Variants in MGMT observed in about 807,000 individuals in gnomAD.
MGMT encodes methylated-DNA--protein-cysteine methyltransferase.
In MGMT, 14 loss-of-function variants were observed where a neutral mutation model predicts 15.9. That is an observed-to-expected ratio of 0.88 (90% CI 0.58 to 1.37). The LOEUF is 1.37. MGMT is among the 40% of genes most tolerant of loss of function. The probability of loss-of-function intolerance (pLI) is 0.00; values close to 1 mark genes in which losing one functional copy is unlikely to be tolerated. For missense variants in MGMT, 282 were observed against 268.1 expected, an observed-to-expected ratio of 1.05 and a Z score of -0.36; for synonymous variants, 130 against 118.2, an observed-to-expected ratio of 1.10 and a Z score of -0.65.
intron 3 of MGMT, among the ~76,000 whole-genome samples, chr10:129,738,486 C>T (rs1294061507): frequency 6.6e-6 from 1 of 152,230 alleles, no homozygotes; most frequent in Non-Finnish European, 1.5e-5. Flanking sequence ...TCCGGTACCT[C>T]AGATGGAAAT....
chr10:129,546,661 C>T (rs1164732824), intron 2 of MGMT, among the ~76,000 whole-genome samples: 2 of 152,076 alleles, frequency 1.3e-5, no homozygotes, highest in African/African-American at 4.8e-5. Context: ...AGGAGAGAGG[C>T]GGGTTTTGTG....
At position 129,599,973 on chromosome 10, in the gene MGMT, AGTAGGTAG is replaced by A. The variant is rs71035597; in HGVS notation, c.125+63621_125+63628del. Among the ~76,000 whole-genome samples, 283 of 151,468 alleles carry A rather than the reference AGTAGGTAG, an allele frequency of 1.9e-3. 1 individual carries two copies. Among genetic ancestry groups the A allele is most frequent in the African/African-American group, 6.1e-3 (252 of 41,392 alleles). On this transcript the variant is annotated intron_variant, in intron 2 of 4. Transcript: ENST00000651593. ...AGATGCCTGTTGTTACCTATAGGTA[AGTAGGTAG>A]GTAGGTAGGTAGGTAGGTAGGTAGA...
At chr10:129,728,949 T>G (rs753371572) in intron 3 of MGMT, among the ~76,000 whole-genome samples, 7 of 152,178 alleles carry the variant, frequency 4.6e-5, no homozygotes, top group Non-Finnish European at 1.0e-4. Context: ...ACTGGGTCTT[T>G]TCCCCATGTC....
chr10:129,660,101 A>C (rs567230598), intron 2 of MGMT, among the ~76,000 whole-genome samples: 13 of 152,306 alleles, frequency 8.5e-5, no homozygotes, highest in African/African-American at 2.2e-4. Flanking sequence ...AGCTAAGTTT[A>C]TAACTTCCTC....
At chr10:129,557,566 T>TA (rs1183305186) in intron 2 of MGMT, among the ~76,000 whole-genome samples, 5 of 152,250 alleles carry the variant, frequency 3.3e-5, no homozygotes, top group African/African-American at 1.2e-4. Flanking sequence ...TTGTAAATAT[T>TA]ACATAACTCG....
At chr10:129,760,608 G>C (rs1016424701) in intron 4 of MGMT, among the ~76,000 whole-genome samples, 2 of 152,254 alleles carry the variant, frequency 1.3e-5, no homozygotes, top group African/African-American at 4.8e-5. Flanking sequence ...CGCTGCAGCA[G>C]CCTGGGGGCA....
At chr10:129,582,140 C>T (rs1481609313) in intron 2 of MGMT, among the ~76,000 whole-genome samples, 1 of 152,196 alleles carries the variant, frequency 6.6e-6, no homozygotes, top group Non-Finnish European at 1.5e-5. Context: ...TGAAGGACAT[C>T]ATTCGGACGC....
intron 1 of MGMT, among the ~76,000 whole-genome samples, chr10:129,484,875 A>T (rs567777584): frequency 6.6e-6 from 1 of 151,032 alleles, no homozygotes; most frequent in Admixed American, 6.6e-5. Context: ...TATTTACATA[A>T]TGTCTTTACT....
chr10:129,602,153 T>C (rs1184508900), intron 2 of MGMT, among the ~76,000 whole-genome samples: 1 of 152,234 alleles, frequency 6.6e-6, no homozygotes, highest in African/African-American at 2.4e-5. Context: ...TTTTCATTTT[T>C]ATGTTAGCAA....
chr10:129,664,549 G>A (rs111886354), intron 2 of MGMT, among the ~76,000 whole-genome samples: 1 of 152,190 alleles, frequency 6.6e-6, no homozygotes, highest in African/African-American at 2.4e-5. Flanking sequence ...AAGGCCTAGA[G>A]GCAGTAATAC....
In MGMT at chr10:129,623,508, A is replaced by G. The variant is rs187272496; in HGVS notation, c.126-84387A>G. On this transcript the variant is annotated intron_variant, in intron 2 of 4. Transcript: ENST00000651593. ...CATTGCTTTCTTTTCAGTTTCTAACATATATATAACCTTTTTAAGTATATA... is the reference window on the plus strand; with the variant it reads ...CATTGCTTTCTTTTCAGTTTCTAACGTATATATAACCTTTTTAAGTATATA... Among the ~76,000 whole-genome samples the G allele has an allele frequency of 2.8e-3, 432 of 152,280 alleles. 2 individuals are homozygous for G. The highest frequency in any genetic ancestry group is 9.8e-3 in the African/African-American group (408 of 41,542).
intron 3 of MGMT, among the ~76,000 whole-genome samples, chr10:129,735,679 CTT>C (rs1237820184): frequency 9.6e-5 from 11 of 114,052 alleles, no homozygotes; most frequent in Admixed American, 9.5e-4. Context: ...ATCTTTCCTG[CTT>C]TCTCTTGTGG....
chr10:129,731,895 C>T (rs998890403), intron 3 of MGMT, among the ~76,000 whole-genome samples: 7 of 152,108 alleles, frequency 4.6e-5, no homozygotes, highest in African/African-American at 1.7e-4. Flanking sequence ...TCTGCCTCTG[C>T]GTTTAATCCG....
At chr10:129,598,306 T>C (rs1846776232) in intron 2 of MGMT, among the ~76,000 whole-genome samples, 1 of 152,210 alleles carries the variant, frequency 6.6e-6, no homozygotes, top group African/African-American at 2.4e-5. Context: ...TTCTTTGCTG[T>C]GGAACCGTGG....
chr10:129,646,754 A>ATATATATATTTTTT, intron 2 of MGMT, among the ~76,000 whole-genome samples: 1 of 86,678 alleles, frequency 1.2e-5, no homozygotes, highest in African/African-American at 3.9e-5. Context: ...ATATATATAT[A>ATATATATATTTTTT]TTTTCAGGGA....
rs148730480 is a variant in MGMT at position 129,542,870 on chromosome 10, C to G, written c.125+6493C>G. Reference sequence around the variant, plus strand: ...CGCTGACGGATGTTGCCTCCCGTTTCTGCCTGAGAGGGGTAAATGATCAGT... The same window carrying G: ...CGCTGACGGATGTTGCCTCCCGTTTGTGCCTGAGAGGGGTAAATGATCAGT... On this transcript the variant is annotated intron_variant, in intron 2 of 4. Transcript: ENST00000651593. Among the ~76,000 whole-genome samples the G allele has an allele frequency of 6.3e-3, 967 of 152,328 alleles. 10 individuals carry two copies. The highest frequency in any genetic ancestry group is 0.022 in the African/African-American group (906 of 41,578).
intron 1 of MGMT, among the ~76,000 whole-genome samples, chr10:129,524,576 A>T (rs1396373400): frequency 6.8e-6 from 1 of 147,784 alleles, no homozygotes. Flanking sequence ...GAAGCTTCCA[A>T]AAAGACTTTT....
intron 1 of MGMT, among the ~76,000 whole-genome samples, chr10:129,528,125 G>A (rs1013474958): frequency 4.6e-5 from 7 of 152,178 alleles, no homozygotes; most frequent in African/African-American, 1.7e-4. Flanking sequence ...TAGATATTTT[G>A]TTCAACATAT....
chr10:129,760,122 C>T (rs542029861), intron 4 of MGMT, among the ~76,000 whole-genome samples: 4 of 152,280 alleles, frequency 2.6e-5, no homozygotes, highest in South Asian at 4.1e-4. Context: ...CTGGGGGCCA[C>T]GTGGGTGCCG....
Sources: gnomAD v4.1 joint callset for allele counts (sites outside exome capture counted in the v4.1 genomes callset) on GRCh38, gnomAD v4.1.1 for gene constraint, MANE v1.5 for transcripts, NCBI Gene and HGNC (gene_info 2026-07-23, HGNC 2026-07-21) for gene names.